Variants in MYO1H observed in about 807,000 individuals in gnomAD.
MYO1H encodes myosin IH.
A neutral mutation model predicts 149.3 loss-of-function variants in MYO1H; 118 were observed. The ratio of observed to expected loss-of-function variants is 0.79; its 90% confidence interval spans 0.68 to 0.92. The LOEUF (loss-of-function observed/expected upper bound fraction) is 0.92. Among genes scored for constraint, MYO1H ranks in the 40% least tolerant of loss-of-function variants. The pLI is 0.00. For synonymous variants in MYO1H, 447 were observed against 465.2 expected (o/e 0.96, Z 0.50); for missense variants, 1,212 against 1,280.7 (o/e 0.95, Z 0.82).
chr12:109,439,833 G>T (rs1872039469), intron 24 of MYO1H, 43 bp downstream of exon 24: 1 of 1,570,426 alleles, frequency 6.4e-7, no homozygotes, highest in Non-Finnish European at 8.7e-7. Context: ...AGTAGCACGG[G>T]CACTGACGAA....
the MYO1H span, among the ~76,000 whole-genome samples, chr12:109,334,725 G>A: frequency 6.6e-6 from 1 of 152,092 alleles, no homozygotes; most frequent in African/African-American, 2.4e-5. Flanking sequence ...TCTGTGATCA[G>A]TTTTTTCTTC....
the MYO1H span, among the ~76,000 whole-genome samples, chr12:109,332,973 G>GTATTATATAATTT: frequency 2.0e-5 from 3 of 151,852 alleles, no homozygotes; most frequent in Non-Finnish European, 2.9e-5. Context: ...GACATAATTT[G>GTATTATATAATTT]TATTATGACC....
At chr12:109,425,832 A>G (rs1871331355) in intron 17 of MYO1H, 114 bp from the exon 18 acceptor site, 3 of 756,054 alleles carry the variant, frequency 4.0e-6, no homozygotes, top group African/African-American at 1.7e-5. Context: ...CAATCTGTCA[A>G]TAGTTCAGCT....
chr12:109,415,047 C>A (rs998920677), intron 14 of MYO1H, among the ~76,000 whole-genome samples: 1 of 152,112 alleles, frequency 6.6e-6, no homozygotes, highest in Non-Finnish European at 1.5e-5. Context: ...TGGTCTATGG[C>A]CAGAAAATAA....
At chr12:109,352,240 A>G (rs188767289) in intron 1 of MYO1H, among the ~76,000 whole-genome samples, 18 of 152,284 alleles carry the variant, frequency 1.2e-4, no homozygotes, top group Admixed American at 3.9e-4. Flanking sequence ...TTTAAACGGT[A>G]TAGGAAATTG....
chr12:109,318,967 G>GTTTTTTTTTTTTTTTTTTTTTTTTT, the MYO1H span, among the ~76,000 whole-genome samples: 17 of 79,592 alleles, frequency 2.1e-4, 3 homozygotes, highest in African/African-American at 5.4e-4. Context: ...TGCGTTTTTG[G>GTTTTTTTTTTTTTTTTTTTTTTTTT]TTTTGTTTTT....
At chr12:109,311,952 G>A in the MYO1H span, among the ~76,000 whole-genome samples, 1 of 152,190 alleles carries the variant, frequency 6.6e-6, no homozygotes, top group African/African-American at 2.4e-5. Context: ...GGTTGCTTAG[G>A]TTTGATAGTT....
chr12:109,377,828 A>G (rs544366942), intron 1 of MYO1H, among the ~76,000 whole-genome samples: 2 of 152,370 alleles, frequency 1.3e-5, no homozygotes, highest in African/African-American at 2.4e-5. Flanking sequence ...AGAATAGTAT[A>G]ATGAATCTCC....
At chr12:109,443,352 A>ATGTGTACG (rs1592824067) in intron 27 of MYO1H, among the ~76,000 whole-genome samples, 162 bp from the exon 28 acceptor site, 1 of 95,898 alleles carries the variant, frequency 1.0e-5, no homozygotes, top group Non-Finnish European at 2.1e-5. Context: ...ATATGTGTGT[A>ATGTGTACG]TATACACACA....
the MYO1H span, among the ~76,000 whole-genome samples, chr12:109,321,651 A>G: frequency 1.2e-4 from 19 of 152,244 alleles, no homozygotes; most frequent in African/African-American, 4.3e-4. Flanking sequence ...TGAGAAGCTT[A>G]CTGGCTAATA....
chr12:109,432,374 T>C (rs1443010176), intron 19 of MYO1H, among the ~76,000 whole-genome samples: 2 of 152,094 alleles, frequency 1.3e-5, no homozygotes, highest in African/African-American at 4.8e-5. Context: ...CCTCCTGCCT[T>C]GGCCTCCCAA....
chr12:109,447,151 T>TCTCC lies in MYO1H; in HGVS notation c.3094-6_3094-3dup. The TCTCC allele has an allele frequency of 1.3e-6, 2 of 1,597,234 alleles. No homozygotes were observed. Among genetic ancestry groups the TCTCC allele is most frequent in the Non-Finnish European group, 1.7e-6 (2 of 1,171,178 alleles). On this transcript the variant is annotated splice_region_variant and splice_polypyrimidine_tract_variant and intron_variant, in intron 31 of 31. Transcript: ENST00000310903. Reference sequence around the variant, plus strand: ...AGGGCTGTAAACCGAAGTGTGACTCTCTCCCAGGTGTCAGTCCGGAGGAAG... The same window carrying TCTCC: ...AGGGCTGTAAACCGAAGTGTGACTCTCTCCCTCCCAGGTGTCAGTCCGGAGGAAG...
chr12:109,318,975 T>TTTTTTTTTTTTTTTTTTTA, the MYO1H span, among the ~76,000 whole-genome samples: 1 of 99,600 alleles, frequency 1.0e-5, no homozygotes, highest in African/African-American at 4.0e-5. Context: ...TGGTTTTGTT[T>TTTTTTTTTTTTTTTTTTTA]TTTTTTTTTT....
At chr12:109,431,992 ATTTTTTTTTTTTTT>A (rs554701536) in intron 19 of MYO1H, among the ~76,000 whole-genome samples, 1 of 85,746 alleles carries the variant, frequency 1.2e-5, no homozygotes, top group Non-Finnish European at 2.1e-5. Flanking sequence ...TAAAAAAAAA[ATTTTTTTTTTTTTT>A]TTTTTTTTTT....
chr12:109,396,862 C>T (rs1365950256), intron 4 of MYO1H, among the ~76,000 whole-genome samples: 5 of 123,574 alleles, frequency 4.0e-5, no homozygotes, highest in Non-Finnish European at 6.4e-5. Flanking sequence ...AGTCTCTCTC[C>T]GTCACCCAGG....
At chr12:109,330,964 A>C in the MYO1H span, among the ~76,000 whole-genome samples, 32 of 152,312 alleles carry the variant, frequency 2.1e-4, no homozygotes, top group Non-Finnish European at 4.6e-4. Flanking sequence ...AAAATTAATG[A>C]ATATGATAAT....
At chr12:109,444,280 A>T in exon 29 of MYO1H, 1 of 1,613,692 alleles carries the variant, frequency 6.2e-7, no homozygotes, top group Non-Finnish European at 8.5e-7. Context: ...ACAGCAAGCA[A>T]AAGGTAATTG....
chr12:109,351,665 G>A (rs766087004), intron 1 of MYO1H, among the ~76,000 whole-genome samples: 2 of 152,164 alleles, frequency 1.3e-5, no homozygotes, highest in Non-Finnish European at 2.9e-5. Flanking sequence ...CAGCTGCTGG[G>A]TTCACTTGAA....
At chr12:109,432,127 C>A (rs748276072) in intron 19 of MYO1H, among the ~76,000 whole-genome samples, 1 of 150,846 alleles carries the variant, frequency 6.6e-6, no homozygotes, top group Non-Finnish European at 1.5e-5. Flanking sequence ...TCAGCCTCCC[C>A]AGTAGCTGGG....
Sources: gnomAD v4.1 joint callset for allele counts (sites outside exome capture counted in the v4.1 genomes callset) on GRCh38, gnomAD v4.1.1 for gene constraint, MANE v1.5 for transcripts, NCBI Gene and HGNC (gene_info 2026-07-23, HGNC 2026-07-21) for gene names.